Variants in AHCYL1 observed in about 807,000 individuals in gnomAD.
AHCYL1 encodes adenosylhomocysteinase like 1, also known as S-adenosylhomocysteine hydrolase-like protein 1.
AHCYL1 carries 20 observed loss-of-function variants against 79.3 expected under a neutral mutation model. The observed-to-expected ratio is 0.25, with a 90% CI of 0.18 to 0.37. AHCYL1 has a LOEUF of 0.37. Ranked by LOEUF, AHCYL1 falls within the 10% of genes least tolerant of loss-of-function variation. The pLI is 1.00. For synonymous variants in AHCYL1, 223 were observed against 242.2 expected, an observed-to-expected ratio of 0.92 and a Z score of 0.74; for missense variants, 330 against 673.6, an observed-to-expected ratio of 0.49 and a Z score of 5.65.
chr1:110,015,281 ACT>A, intron 6 of AHCYL1, 142 bp from the exon 7 acceptor site: 1 of 679,586 alleles, frequency 1.5e-6, no homozygotes, highest in Non-Finnish European at 2.6e-6. Context: ...CTGTATTTCC[ACT>A]CTCTAAGCCT....
intron 1 of AHCYL1, among the ~76,000 whole-genome samples, chr1:109,996,735 G>A (rs1185193098): frequency 1.3e-5 from 2 of 152,196 alleles, no homozygotes; most frequent in African/African-American, 4.8e-5. Flanking sequence ...ACTGCACTAC[G>A]ATGTCACCAG....
rs979688064 is a variant in AHCYL1 at position 109,985,116 on chromosome 1, A to G, written c.64A>G (p.Ile22Val). Residue 22 changes from isoleucine (I) to valine (V), a missense_variant, in exon 1 of 17, where the codon ATC becomes GTC. By Grantham distance (29) the Ile-to-Val change is conservative. Transcript: ENST00000369799. ...VGEELKQAKE[I>V]EDAEKYSFMA... ...GGAGGAGCTGAAGCAGGCCAAGGAG[A>G]TCGAGGACGCCGAGAAGTACTCCTT... is the stretch of plus-strand genomic sequence containing the variant. 6.2e-7 allele frequency: 1 copy of G among 1,611,154 alleles called. No individual in the cohort carries two copies. Among genetic ancestry groups the G allele is most frequent in the Middle Eastern group, 1.7e-4 (1 of 6,048 alleles).
chr1:110,005,869 G>A (rs1650617819), intron 1 of AHCYL1, among the ~76,000 whole-genome samples: 3 of 152,028 alleles, frequency 2.0e-5, no homozygotes, highest in South Asian at 2.1e-4. Context: ...TCTTGGTAAG[G>A]TCTGCACAAT....
intron 15 of AHCYL1, among the ~76,000 whole-genome samples, chr1:110,020,060 A>G (rs1359255181): frequency 6.6e-6 from 1 of 152,164 alleles, no homozygotes; most frequent in Non-Finnish European, 1.5e-5. Context: ...CATGTGACAT[A>G]ATACATCATC....
At chr1:110,004,341 C>CTA in intron 1 of AHCYL1, 2 of 985,392 alleles carry the variant, frequency 2.0e-6, no homozygotes, top group Non-Finnish European at 2.4e-6. Flanking sequence ...CCAAAACCTG[C>CTA]TAAGTCTCAG....
intron 1 of AHCYL1, among the ~76,000 whole-genome samples, chr1:109,999,684 A>G (rs1482812253): frequency 6.6e-6 from 1 of 150,718 alleles, no homozygotes; most frequent in Non-Finnish European, 1.5e-5. Flanking sequence ...ACCAGAAAGT[A>G]GAAATACATC....
chr1:110,015,323 CA>C (rs1223212556), intron 6 of AHCYL1, 101 bp from the exon 7 acceptor site: 1 of 918,700 alleles, frequency 1.1e-6, no homozygotes, highest in Non-Finnish European at 1.8e-6. Context: ...AGTACTCTTC[CA>C]AAACATACAG....
rs1338988571 is a variant in AHCYL1, at chr1:110,016,336, C to T, written c.783-8C>T. On this transcript the variant is annotated splice_polypyrimidine_tract_variant and splice_region_variant and intron_variant, in intron 7 of 16. Coordinates refer to ENST00000369799, the MANE Select transcript of AHCYL1 (RefSeq NM_006621.7). ...TTTGTTTGTTTTTGTGACCTCTTCT[C>T]TCTTTAGGCTGTATCAGCTCTCCAA... The T allele has an allele frequency of 1.2e-6, 2 of 1,601,942 alleles. No individual in the cohort carries two copies. Among genetic ancestry groups the T allele is most frequent in the East Asian group, 2.2e-5 (1 of 44,788 alleles).
rs1443155442 is a variant in AHCYL1, at chr1:110,023,669, T to C, written c.*1989T>C. Reference sequence around the variant, plus strand: ...AACAAGTTCATTTTGTATTGAATGATTTTTAATGAATGCAATATTAATCCT... The same window carrying C: ...AACAAGTTCATTTTGTATTGAATGACTTTTAATGAATGCAATATTAATCCT... On this transcript the variant is annotated 3_prime_UTR_variant, in exon 17 of 17. Transcript: ENST00000369799. 1 of 152,644 alleles carries C rather than the reference T, an allele frequency of 6.6e-6. No individual in the cohort carries two copies. Among genetic ancestry groups the C allele is most frequent in the Non-Finnish European group, 1.5e-5 (1 of 68,044 alleles). The allele number at this position is 152,644 out of a possible 1,614,324, so 9.5% of individuals were successfully genotyped here. A position where few individuals can be genotyped will look rare whatever the true frequency, so the allele number is the denominator to read the frequency against.
At chr1:109,985,924 G>A (rs1427711313) in intron 1 of AHCYL1, among the ~76,000 whole-genome samples, 2 of 152,150 alleles carry the variant, frequency 1.3e-5, no homozygotes, top group Non-Finnish European at 2.9e-5. Context: ...GGCAGAACAA[G>A]TTTGATCTAT....
In AHCYL1 at chr1:109,985,092, G is replaced by C. The variant is rs1423600586; in HGVS notation, c.40G>C (p.Glu14Gln). The change falls in exon 1 of 17, where the codon GAG becomes CAG. Residue 14 changes from glutamate (E) to glutamine (Q), a missense_variant. This residue lies in a region of AHCYL1 where 66 missense variants were observed against 68.0 expected (regional missense o/e 0.97). Coordinates refer to ENST00000369799, the MANE Select transcript of AHCYL1 (RefSeq NM_006621.7). ...CGCGATGCCGCTGCCCGGGGTCGGGGAGGAGCTGAAGCAGGCCAAGGAGAT... is the reference window on the plus strand; with the variant it reads ...CGCGATGCCGCTGCCCGGGGTCGGGCAGGAGCTGAAGCAGGCCAAGGAGAT... ...PDAMPLPGVG[E>Q]ELKQAKEIED... The C allele has an allele frequency of 6.2e-7, 1 of 1,609,524 alleles. No individual in the cohort carries two copies. The highest frequency in any genetic ancestry group is 8.5e-7 in the Non-Finnish European group (1 of 1,178,406).
At chr1:109,997,601 A>G (rs1650093172) in intron 1 of AHCYL1, among the ~76,000 whole-genome samples, 1 of 152,202 alleles carries the variant, frequency 6.6e-6, no homozygotes, top group South Asian at 2.1e-4. Context: ...ACCAACGTTA[A>G]TATATCTCTG....
rs1318529366 is a variant in AHCYL1, at chr1:110,019,071, C to T, written c.1338C>T (p.Ser446=). ...LLAEGRLLNL[S]CSTVPTFVLS... ...TCCAGGGTCGTCTACTCAATTTGAG[C>T]TGCTCCACAGTTCCCACCTTTGTTC... The change falls in exon 14 of 17, where the codon AGC becomes AGT. Residue 446 remains serine, a synonymous_variant. Coordinates refer to ENST00000369799, the MANE Select transcript of AHCYL1 (RefSeq NM_006621.7). 2 of 1,614,086 alleles carry T rather than the reference C, an allele frequency of 1.2e-6. No individual in the cohort carries two copies. The highest frequency in any genetic ancestry group is 2.7e-5 in the African/African-American group (2 of 74,928).
chr1:110,021,790 T>A lies in AHCYL1; in HGVS notation c.*110T>A. 1 of 1,241,914 alleles carries A rather than the reference T, an allele frequency of 8.1e-7. No homozygotes were observed. The highest frequency in any genetic ancestry group is 1.1e-6 in the Non-Finnish European group (1 of 879,332). 76.9% of individuals were successfully genotyped at this position (1,241,914 alleles called of 1,614,324 possible). A position where few individuals can be genotyped will look rare whatever the true frequency, so the allele number is the denominator to read the frequency against. On this transcript the variant is annotated 3_prime_UTR_variant, in exon 17 of 17. Coordinates refer to ENST00000369799, the MANE Select transcript of AHCYL1 (RefSeq NM_006621.7). Reference sequence around the variant, plus strand: ...TCCTTTCCTCTTGATTTTTTTCCTATAATTTCATTCTTGTTTTTTCATCTC... The same window carrying A: ...TCCTTTCCTCTTGATTTTTTTCCTAAAATTTCATTCTTGTTTTTTCATCTC...
At chr1:109,988,630 C>CT (rs927787544) in intron 1 of AHCYL1, among the ~76,000 whole-genome samples, 16 of 152,162 alleles carry the variant, frequency 1.1e-4, no homozygotes, top group Admixed American at 7.9e-4. Context: ...TCCGGAAGGC[C>CT]TTTCAGAACA....
At chr1:110,019,220 T>C (rs1651631953) in intron 14 of AHCYL1, 101 bp downstream of exon 14, 1 of 1,200,084 alleles carries the variant, frequency 8.3e-7, no homozygotes, top group Non-Finnish European at 1.2e-6. Context: ...CATCATCCTA[T>C]TCTTTTTTGA....
intron 16 of AHCYL1, 84 bp downstream of exon 16, chr1:110,020,935 A>G: frequency 6.6e-7 from 1 of 1,516,054 alleles, no homozygotes; most frequent in Non-Finnish European, 8.8e-7. Flanking sequence ...TAAAGATCAA[A>G]TGTTGTACCT....
chr1:109,989,236 T>C (rs1649627943), intron 1 of AHCYL1, among the ~76,000 whole-genome samples: 1 of 152,218 alleles, frequency 6.6e-6, no homozygotes, highest in Admixed American at 6.5e-5. Context: ...ACATTTAGCT[T>C]GTAACAGAAA....
At chr1:110,015,794 A>G (rs1185177201) in intron 7 of AHCYL1, among the ~76,000 whole-genome samples, 1 of 152,238 alleles carries the variant, frequency 6.6e-6, no homozygotes, top group Non-Finnish European at 1.5e-5. Context: ...GAATAAATGT[A>G]TCTTGAAAAA....
Sources: allele counts gnomAD v4.1 joint callset (sites outside exome capture counted in the v4.1 genomes callset), GRCh38; gene constraint gnomAD v4.1.1; regional missense constraint gnomAD v4.1.1; transcripts MANE v1.5; gene names NCBI Gene and HGNC (gene_info 2026-07-23, HGNC 2026-07-21).